Variants in MAF observed in about 807,000 individuals in gnomAD.
MAF encodes MAF bZIP transcription factor.
A neutral mutation model predicts 22.0 loss-of-function variants in MAF; 10 were observed. The observed-to-expected ratio is 0.45, with a 90% CI of 0.28 to 0.77. The LOEUF (loss-of-function observed/expected upper bound fraction) is 0.77. Among genes scored for constraint, MAF ranks in the 30% least tolerant of loss-of-function variants. MAF has a pLI of 0.12. For missense variants in MAF, 544 were observed against 548.4 expected (o/e 0.99, Z 0.08); for synonymous variants, 337 against 255.8 (o/e 1.32, Z -3.03).
the MAF span, among the ~76,000 whole-genome samples, chr16:79,488,741 C>G: frequency 2.0e-5 from 3 of 152,154 alleles, no homozygotes; most frequent in African/African-American, 7.2e-5. Flanking sequence ...ATGTCAGAGG[C>G]ACCCTTAGAG....
At chr16:79,475,862 G>C in the MAF span, among the ~76,000 whole-genome samples, 1 of 152,126 alleles carries the variant, frequency 6.6e-6, no homozygotes, top group Non-Finnish European at 1.5e-5. Context: ...CCCCTGTGTG[G>C]CCTGTGCTCT....
the MAF span, among the ~76,000 whole-genome samples, chr16:79,470,515 T>A: frequency 6.6e-6 from 1 of 152,238 alleles, no homozygotes; most frequent in African/African-American, 2.4e-5. Flanking sequence ...GGCAGGTCCA[T>A]ATCTTCCAAT....
chr16:79,393,868 G>A, the MAF span, among the ~76,000 whole-genome samples: 1 of 152,196 alleles, frequency 6.6e-6, no homozygotes, highest in Non-Finnish European at 1.5e-5. Flanking sequence ...GAAGCAAACA[G>A]AAGAAGGTGG....
chr16:79,272,277 G>T, the MAF span, among the ~76,000 whole-genome samples: 1 of 152,218 alleles, frequency 6.6e-6, no homozygotes, highest in Non-Finnish European at 1.5e-5. Flanking sequence ...GCGGAGAAGA[G>T]AAAAACCCAA....
chr16:79,407,158 A>C, the MAF span, among the ~76,000 whole-genome samples: 4 of 152,152 alleles, frequency 2.6e-5, no homozygotes, highest in Non-Finnish European at 5.9e-5. Context: ...CACAGTCCTG[A>C]ACATTAACCA....
At chr16:79,415,177 C>G in the MAF span, among the ~76,000 whole-genome samples, 2 of 151,296 alleles carry the variant, frequency 1.3e-5, no homozygotes, top group East Asian at 3.9e-4. Flanking sequence ...GAGAGCTACA[C>G]GGGCAGGACT....
At chr16:79,334,665 G>A in the MAF span, among the ~76,000 whole-genome samples, 2 of 152,278 alleles carry the variant, frequency 1.3e-5, no homozygotes, top group Admixed American at 1.3e-4. Flanking sequence ...GCCCTTCTAA[G>A]TGTGGGGCCC....
At chr16:79,592,342 T>C (rs992725320), downstream of MAF, among the ~76,000 whole-genome samples, 4 of 152,078 alleles carry the variant, frequency 2.6e-5, no homozygotes, top group Non-Finnish European at 4.4e-5. Context: ...CTACCCCCGC[T>C]AGGGAAAAAA....
At chr16:79,442,918 C>A in the MAF span, among the ~76,000 whole-genome samples, 1 of 152,152 alleles carries the variant, frequency 6.6e-6, no homozygotes. Flanking sequence ...CAGACTTAAT[C>A]CACACTGATT....
chr16:79,260,735 T>G, the MAF span, among the ~76,000 whole-genome samples: 8 of 152,146 alleles, frequency 5.3e-5, no homozygotes, highest in Non-Finnish European at 1.0e-4. Flanking sequence ...ATGTTCTTCA[T>G]TTTCACAGAG....
At chr16:79,392,626 A>G in the MAF span, among the ~76,000 whole-genome samples, 1 of 152,240 alleles carries the variant, frequency 6.6e-6, no homozygotes, top group South Asian at 2.1e-4. Context: ...AACAATGCCT[A>G]GGATGTTTAC....
At chr16:79,538,186 A>T in the MAF span, among the ~76,000 whole-genome samples, 1 of 152,226 alleles carries the variant, frequency 6.6e-6, no homozygotes, top group Non-Finnish European at 1.5e-5. Context: ...TAAAACTATA[A>T]AAAAGAGTTC....
the MAF span, among the ~76,000 whole-genome samples, chr16:79,210,139 C>G: frequency 6.6e-6 from 1 of 152,208 alleles, no homozygotes; most frequent in Non-Finnish European, 1.5e-5. Context: ...ACGGTCCACA[C>G]CCCGCCCAGA....
the MAF span, chr16:79,212,000 T>TGGGCTAGGCATAGGTCTCTTTG: frequency 6.7e-7 from 1 of 1,498,758 alleles, no homozygotes; most frequent in Non-Finnish European, 9.0e-7. Context: ...TTTCTGGGGC[T>TGGGCTAGGCATAGGTCTCTTTG]GGGCTAGGCA....
At chr16:79,230,464 G>A in the MAF span, among the ~76,000 whole-genome samples, 20 of 152,250 alleles carry the variant, frequency 1.3e-4, no homozygotes, top group South Asian at 3.1e-3. Flanking sequence ...CCGGGTGGGC[G>A]GTCTTGAGCA....
At chr16:79,447,276 C>G in the MAF span, among the ~76,000 whole-genome samples, 15 of 149,636 alleles carry the variant, frequency 1.0e-4, no homozygotes, top group African/African-American at 3.7e-4. Flanking sequence ...GACAGCACAT[C>G]TGATTACAAC....
chr16:79,400,946 G>A, the MAF span, among the ~76,000 whole-genome samples: 8 of 152,364 alleles, frequency 5.3e-5, no homozygotes, highest in Admixed American at 2.6e-4. Context: ...ACAGGGAGAG[G>A]CATGATAAAC....
chr16:79,339,834 A>G, the MAF span, among the ~76,000 whole-genome samples: 1 of 152,186 alleles, frequency 6.6e-6, no homozygotes, highest in African/African-American at 2.4e-5. Context: ...CCTTAACAAG[A>G]TTATCTCTTT....
the MAF span, among the ~76,000 whole-genome samples, chr16:79,232,865 G>A: frequency 7.8e-6 from 1 of 128,942 alleles, no homozygotes; most frequent in Non-Finnish European, 1.6e-5. Context: ...TTTTGAGACA[G>A]AGTCTCACTC....
Sources: gnomAD v4.1 joint callset for allele counts (sites outside exome capture counted in the v4.1 genomes callset) on GRCh38, gnomAD v4.1.1 for gene constraint, MANE v1.5 for transcripts, NCBI Gene and HGNC (gene_info 2026-07-23, HGNC 2026-07-21) for gene names.